The following SNX13 variants were observed in gnomAD, a reference collection of about 807,000 sequenced individuals.
The protein encoded by SNX13 is sorting nexin 13.
Under a neutral mutation model 133.6 loss-of-function variants are expected in SNX13, and 45 were observed. The ratio of observed to expected loss-of-function variants is 0.34; its 90% confidence interval spans 0.27 to 0.43. The LOEUF is 0.43. Ranked by LOEUF, SNX13 falls within the 20% of genes least tolerant of loss-of-function variation. SNX13 has a pLI of 1.00. For missense variants in SNX13, 1,032 were observed against 1,145.1 expected (o/e 0.90, Z 1.43); for synonymous variants, 414 against 373.9 (o/e 1.11, Z -1.24).
At chr7:17,929,927 A>C (rs1305330069) in intron 1 of SNX13, among the ~76,000 whole-genome samples, 1 of 152,226 alleles carries the variant, frequency 6.6e-6, no homozygotes, top group African/African-American at 2.4e-5. Flanking sequence ...GTAAGGAAAG[A>C]ATTAGATCAT....
intron 9 of SNX13, among the ~76,000 whole-genome samples, chr7:17,858,082 G>A (rs1209726734): frequency 6.6e-6 from 1 of 152,072 alleles, no homozygotes; most frequent in Non-Finnish European, 1.5e-5. Flanking sequence ...CATATTGAGT[G>A]GAGAAAAGCT....
intron 20 of SNX13, among the ~76,000 whole-genome samples, chr7:17,805,879 TAAG>T (rs1785243785): frequency 2.0e-5 from 3 of 152,148 alleles, no homozygotes; most frequent in South Asian, 4.1e-4. Flanking sequence ...GGAAGTGGGG[TAAG>T]AAGAATGAAA....
intron 15 of SNX13, chr7:17,830,833 T>G (rs1268963553): frequency 1.0e-6 from 1 of 984,182 alleles, no homozygotes; most frequent in African/African-American, 1.8e-5. Context: ...TTCGAGCACT[T>G]AAGAGGTTAT....
intron 9 of SNX13, among the ~76,000 whole-genome samples, chr7:17,864,773 A>G (rs1403242681): frequency 6.6e-6 from 1 of 151,668 alleles, no homozygotes; most frequent in African/African-American, 2.4e-5. Context: ...GAAGGAAAAG[A>G]AGGAGAAGGA....
At chr7:17,885,639 G>A (rs1462787857) in intron 5 of SNX13, among the ~76,000 whole-genome samples, 1 of 152,126 alleles carries the variant, frequency 6.6e-6, no homozygotes, top group East Asian at 1.9e-4. Context: ...ACCAGCCTAG[G>A]CAATGTGGTG....
At position 17,830,161 on chromosome 7, in the gene SNX13, TAAAAAAAAAAA is replaced by T. The variant is rs367739163; in HGVS notation, c.1598-125_1598-115del. Reference sequence around the variant, plus strand: ...CATAAGCCAAGATATAACATAATAGTAAAAAAAAAAAAAAAAAAAAAAATTGTGGATACTCC... The same window carrying T: ...CATAAGCCAAGATATAACATAATAGTAAAAAAAAAAAATTGTGGATACTCC... On this transcript the variant is annotated intron_variant, in intron 15 of 25. Transcript: ENST00000428135. 5.5e-5 allele frequency: 26 copies of T among 475,464 alleles called. No homozygotes were observed. The South Asian group carries it at 1.7e-3, about 31-fold the overall frequency. The allele number at this position is 475,464 out of a possible 1,614,324, so 29.5% of individuals were successfully genotyped here. A position where few individuals can be genotyped will look rare whatever the true frequency, so the allele number is the denominator to read the frequency against.
intron 8 of SNX13, among the ~76,000 whole-genome samples, chr7:17,872,166 C>T (rs1794192888): frequency 2.6e-5 from 4 of 152,072 alleles, no homozygotes; most frequent in Admixed American, 1.3e-4. Flanking sequence ...GCCACAGTAA[C>T]GGATGAGCAA....
At chr7:17,900,760 G>C (rs1475087984) in intron 1 of SNX13, among the ~76,000 whole-genome samples, 1 of 152,102 alleles carries the variant, frequency 6.6e-6, no homozygotes, top group Non-Finnish European at 1.5e-5. Context: ...AAGAGCCAAG[G>C]CCTAGAATCA....
At position 17,875,709 on chromosome 7, in the gene SNX13, C is replaced by T. The variant is rs1562824398; in HGVS notation, c.522G>A (p.Lys174=). The T allele has an allele frequency of 6.2e-7, 1 of 1,611,862 alleles. No individual in the cohort carries two copies. The highest frequency in any genetic ancestry group is 8.5e-7 in the Non-Finnish European group (1 of 1,178,796). ...CTTTCTCTGTTATTTTCTGTTGAGC[C>T]TTTCTGAATACTCGTAAGTGTGTGC... ...DFGTHLRVFR[K]AQQKITEKDD... Residue 174 remains lysine (K), a synonymous_variant, in exon 6 of 26, where the codon AAG becomes AAA. Coordinates refer to ENST00000428135, the MANE Select transcript of SNX13 (RefSeq NM_015132.5).
chr7:17,845,307 C>T (rs1017166618), intron 12 of SNX13, among the ~76,000 whole-genome samples: 5 of 152,064 alleles, frequency 3.3e-5, no homozygotes, highest in African/African-American at 1.2e-4. Context: ...ATTCCACCTA[C>T]GTGAGGTACT....
At chr7:17,833,136 G>C (rs1446539580) in intron 15 of SNX13, among the ~76,000 whole-genome samples, 16 of 151,486 alleles carry the variant, frequency 1.1e-4, no homozygotes, top group Admixed American at 1.1e-3. Flanking sequence ...ATACCAGAAA[G>C]ATCATCCAAC....
At chr7:17,808,445 T>C (rs956448849) in intron 20 of SNX13, among the ~76,000 whole-genome samples, 2 of 152,042 alleles carry the variant, frequency 1.3e-5, no homozygotes, top group African/African-American at 4.8e-5. Context: ...CCAAGAAATA[T>C]GAGACTATGA....
rs193026833 is a variant in SNX13, at chr7:17,934,553, G to C, written c.12+5731C>G. On this transcript the variant is annotated intron_variant, in intron 1 of 25. Transcript: ENST00000428135. ...CACCACCCAATCTGCTGGGGGCCCA[G>C]AGATAACAAAAACAGAAAGAGGTAT... is the stretch of plus-strand genomic sequence containing the variant. Among the ~76,000 whole-genome samples, 68 of 152,274 alleles carry C rather than the reference G, an allele frequency of 4.5e-4. No homozygotes were observed. In the East Asian group the frequency reaches 0.012, roughly 27 times the overall value.
At chr7:17,829,463 C>G (rs1348497904) in intron 16 of SNX13, among the ~76,000 whole-genome samples, 1 of 151,388 alleles carries the variant, frequency 6.6e-6, no homozygotes, top group East Asian at 1.9e-4. Context: ...GCCATTCTAA[C>G]CTCTAATCAT....
In SNX13 at chr7:17,937,020, TA is replaced by T. The variant is rs536495058; in HGVS notation, c.12+3263del. Among the ~76,000 whole-genome samples, 290 of 75,036 alleles carry T rather than the reference TA, an allele frequency of 3.9e-3. 2 individuals are homozygous for T. The highest frequency in any genetic ancestry group is 0.012 in the African/African-American group (218 of 18,520). 49.2% of individuals were successfully genotyped at this position (75,036 alleles called of 152,430 possible). A position where few individuals can be genotyped will look rare whatever the true frequency, so the allele number is the denominator to read the frequency against. On this transcript the variant is annotated intron_variant, in intron 1 of 25. Coordinates refer to ENST00000428135, the MANE Select transcript of SNX13 (RefSeq NM_015132.5). ...TAACATTAAAAAAAATAAAATAAAATAAAAAAAAAAAAACTAGCTAGACGTT... is the reference window on the plus strand; with the variant it reads ...TAACATTAAAAAAAATAAAATAAAATAAAAAAAAAAAACTAGCTAGACGTT...
chr7:17,852,650 G>A (rs900887748), intron 9 of SNX13, among the ~76,000 whole-genome samples: 1 of 152,198 alleles, frequency 6.6e-6, no homozygotes, highest in African/African-American at 2.4e-5. Flanking sequence ...AAAATGGAAT[G>A]TAAGATCAAT....
In SNX13 at chr7:17,890,421, A is replaced by G; in HGVS notation, c.382T>C (p.Ser128Pro). Reference sequence around the variant, plus strand: ...GTCTGCCTAATTTCAAGAAGAAAAGATTCATCATCGCTTAGTGTATAATAC... The same window carrying G: ...GTCTGCCTAATTTCAAGAAGAAAAGGTTCATCATCGCTTAGTGTATAATAC... ...YWYYTLSDDE[S>P]FLLEIRQTLQ... Residue 128 changes from serine (S) to proline (P), a missense_variant, in exon 5 of 26, where the codon TCT (serine) becomes CCT (proline). Coordinates refer to ENST00000428135, the MANE Select transcript of SNX13 (RefSeq NM_015132.5). The G allele has an allele frequency of 6.2e-7, 1 of 1,611,190 alleles. No individual in the cohort carries two copies. The highest frequency in any genetic ancestry group is 8.5e-7 in the Non-Finnish European group (1 of 1,178,022).
intron 17 of SNX13, among the ~76,000 whole-genome samples, chr7:17,823,744 C>T (rs1304389631): frequency 6.6e-6 from 1 of 152,136 alleles, no homozygotes; most frequent in East Asian, 1.9e-4. Context: ...TAGAGAACCA[C>T]CATTTCTCAA....
intron 1 of SNX13, among the ~76,000 whole-genome samples, chr7:17,923,133 T>C (rs1800313691): frequency 6.6e-6 from 1 of 152,168 alleles, no homozygotes; most frequent in Non-Finnish European, 1.5e-5. Flanking sequence ...TAACATTTAT[T>C]TCTACCATGC....
Sources: allele counts gnomAD v4.1 joint callset (sites outside exome capture counted in the v4.1 genomes callset), GRCh38; gene constraint gnomAD v4.1.1; transcripts MANE v1.5; gene names NCBI Gene and HGNC (gene_info 2026-07-23, HGNC 2026-07-21).